The following CACNB2 variants were observed in gnomAD, a reference collection of about 807,000 sequenced individuals.
CACNB2 encodes voltage-dependent L-type calcium channel subunit beta-2.
A neutral mutation model predicts 73.3 loss-of-function variants in CACNB2; 42 were observed. The observed-to-expected ratio is 0.57, with a 90% CI of 0.45 to 0.74. The LOEUF (loss-of-function observed/expected upper bound fraction) is 0.74. Among genes scored for constraint, CACNB2 ranks in the 30% least tolerant of loss-of-function variants. CACNB2 has a pLI of 0.00. For synonymous variants in CACNB2, 348 were observed against 310.3 expected, an observed-to-expected ratio of 1.12 and a Z score of -1.28; for missense variants, 940 against 853.0, an observed-to-expected ratio of 1.10 and a Z score of -1.27.
In CACNB2 at chr10:18,473,206, G is replaced by A. The variant is rs944192344; in HGVS notation, c.334-25149G>A. ...ATACTTTTCAGGTGGGGCCCCGCTC[G>A]CCTGTTAACGTATCACAGGTGATTT... On this transcript the variant is annotated intron_variant, in intron 3 of 13. Transcript: ENST00000324631. Among the ~76,000 whole-genome samples, 7 of 152,236 alleles carry A rather than the reference G, an allele frequency of 4.6e-5. No homozygotes were observed. The East Asian group carries it at 5.8e-4, about 13-fold the overall frequency.
At chr10:18,395,212 T>G (rs1416054389) in intron 2 of CACNB2, among the ~76,000 whole-genome samples, 1 of 152,214 alleles carries the variant, frequency 6.6e-6, no homozygotes, top group East Asian at 1.9e-4. Flanking sequence ...TCCTCAGACA[T>G]GCAAGCATTT....
intron 3 of CACNB2, among the ~76,000 whole-genome samples, chr10:18,450,509 A>G (rs547460488): frequency 6.6e-6 from 1 of 152,134 alleles, no homozygotes; most frequent in South Asian, 2.1e-4. Context: ...GCCGTAAGGA[A>G]TCCCCCAGGA....
At chr10:18,286,339 A>T (rs2038790161) in intron 2 of CACNB2, among the ~76,000 whole-genome samples, 1 of 151,792 alleles carries the variant, frequency 6.6e-6, no homozygotes, top group Non-Finnish European at 1.5e-5. Flanking sequence ...ACACGGTGAA[A>T]CCCCGTCTCT....
chr10:18,449,992 C>T (rs1468453881), intron 3 of CACNB2, among the ~76,000 whole-genome samples: 3 of 152,198 alleles, frequency 2.0e-5, no homozygotes, highest in South Asian at 2.1e-4. Context: ...GGGCTGGCGG[C>T]ATGAGGCAGA....
At chr10:18,314,924 T>A (rs1210602549) in intron 2 of CACNB2, among the ~76,000 whole-genome samples, 2 of 152,222 alleles carry the variant, frequency 1.3e-5, no homozygotes, top group Non-Finnish European at 2.9e-5. Flanking sequence ...ACAATTGGAA[T>A]TCTAGTGGTG....
rs2047407850 is a variant in CACNB2, at chr10:18,458,733, C to T, written c.334-39622C>T. On this transcript the variant is annotated intron_variant, in intron 3 of 13. Transcript: ENST00000324631. ...TCAAAGGCCTATGCATACTATTATA[C>T]TATTAACAGTAGGAAAAAAGTAAGG... 2.7e-5 allele frequency among the ~76,000 whole-genome samples: 4 copies of T among 149,678 alleles called. No homozygotes were observed. The South Asian group carries it at 8.5e-4, about 32-fold the overall frequency.
chr10:18,247,584 G>C (rs1246439004), intron 2 of CACNB2, among the ~76,000 whole-genome samples: 1 of 152,042 alleles, frequency 6.6e-6, no homozygotes, highest in African/African-American at 2.4e-5. Flanking sequence ...GTGATTTTAG[G>C]CACATCTGTA....
At chr10:18,523,558 G>C (rs1336230831) in intron 9 of CACNB2, among the ~76,000 whole-genome samples, 1 of 152,124 alleles carries the variant, frequency 6.6e-6, no homozygotes, top group Non-Finnish European at 1.5e-5. Flanking sequence ...TACAGAGCTG[G>C]GGTTCTATAT....
intron 2 of CACNB2, among the ~76,000 whole-genome samples, chr10:18,375,062 T>A (rs979163833): frequency 6.6e-6 from 1 of 151,950 alleles, no homozygotes; most frequent in African/African-American, 2.4e-5. Context: ...TACAAAAATT[T>A]AAAAAATTAG....
intron 9 of CACNB2, among the ~76,000 whole-genome samples, chr10:18,527,324 C>T (rs183288017): frequency 2.6e-5 from 4 of 151,728 alleles, no homozygotes; most frequent in Non-Finnish European, 1.5e-5. Context: ...TGCAGTGAGC[C>T]GAGAACGCAC....
At chr10:18,403,871 C>T (rs899527842) in intron 3 of CACNB2, among the ~76,000 whole-genome samples, 15 of 146,466 alleles carry the variant, frequency 1.0e-4, no homozygotes, top group Non-Finnish European at 1.8e-4. Context: ...TAATGGGTAC[C>T]CAAAAAAAAA....
intron 2 of CACNB2, chr10:18,340,989 G>C: frequency 6.2e-7 from 1 of 1,613,962 alleles, no homozygotes; most frequent in South Asian, 1.1e-5. Flanking sequence ...TAAGCATACG[G>C]GAGAGAAGCC....
intron 3 of CACNB2, among the ~76,000 whole-genome samples, chr10:18,403,599 ACT>A: frequency 6.6e-6 from 1 of 152,178 alleles, no homozygotes; most frequent in East Asian, 1.9e-4. Flanking sequence ...TTTGTTCATG[ACT>A]CTGTGGCTGT....
Position 18,542,795 on chromosome 10 carries a change from A to G in CACNB2, c.*3071A>G, listed in dbSNP as rs1024468106. The G allele has an allele frequency of 1.3e-5, 2 of 152,136 alleles. No individual in the cohort carries two copies. The highest frequency in any genetic ancestry group is 6.6e-5 in the Admixed American group (1 of 15,262). The allele number at this position is 152,136 out of a possible 1,614,324, so 9.4% of individuals were successfully genotyped here. ...CGGAATGTAAAGTTACAGTCTTTTC[A>G]CACAACAAAGGCTTAACCTTAACCT... is the stretch of plus-strand genomic sequence containing the variant. On this transcript the variant is annotated 3_prime_UTR_variant, in exon 14 of 14. Coordinates refer to ENST00000324631, the MANE Select transcript of CACNB2 (RefSeq NM_201596.3).
At chr10:18,484,481 A>G (rs1356075457) in intron 3 of CACNB2, among the ~76,000 whole-genome samples, 1 of 152,188 alleles carries the variant, frequency 6.6e-6, no homozygotes, top group Non-Finnish European at 1.5e-5. Context: ...TGATAAGCAA[A>G]GAGAAGGAAT....
chr10:18,294,217 G>A (rs904327888), intron 2 of CACNB2, among the ~76,000 whole-genome samples: 1 of 152,204 alleles, frequency 6.6e-6, no homozygotes, highest in Non-Finnish European at 1.5e-5. Flanking sequence ...GCAAGCCCCA[G>A]AGTGGACCAC....
In CACNB2 at chr10:18,154,306, AC is replaced by A. The variant is rs1221071478; in HGVS notation, c.213+3332del. On this transcript the variant is annotated intron_variant, in intron 2 of 13. Transcript: ENST00000324631. ...ATTAAGAACTTTAAAAAAAAAAAAA[AC>A]AACTTGGAGAATATCAGAGAGTTTG... Among the ~76,000 whole-genome samples the A allele has an allele frequency of 2.3e-3, 353 of 151,868 alleles. 1 individual carries two copies. Among genetic ancestry groups the A allele is most frequent in the Middle Eastern group, 6.8e-3 (2 of 292 alleles).
chr10:18,426,307 CAT>C (rs2045596767), intron 3 of CACNB2, among the ~76,000 whole-genome samples: 1 of 152,096 alleles, frequency 6.6e-6, no homozygotes, highest in African/African-American at 2.4e-5. Context: ...CGATAAAGGT[CAT>C]ATATTTTTTA....
intron 9 of CACNB2, among the ~76,000 whole-genome samples, chr10:18,525,349 A>G (rs2052365934): frequency 6.6e-6 from 1 of 151,712 alleles, no homozygotes; most frequent in Non-Finnish European, 1.5e-5. Context: ...GGGTATATAC[A>G]TGTTTTTTTC....
Sources: allele counts gnomAD v4.1 joint callset (sites outside exome capture counted in the v4.1 genomes callset), GRCh38; gene constraint gnomAD v4.1.1; transcripts MANE v1.5; gene names NCBI Gene and HGNC (gene_info 2026-07-23, HGNC 2026-07-21).